MACF1: variants seen among roughly 807,000 people sequenced by gnomAD.
MACF1 encodes the protein microtubule actin crosslinking factor 1.
Under a neutral mutation model 854.8 loss-of-function variants are expected in MACF1, and 193 were observed. That is an observed-to-expected ratio of 0.23 (90% CI 0.20 to 0.25). The LOEUF is 0.25. Ranked by LOEUF, MACF1 falls within the 10% of genes least tolerant of loss-of-function variation. The probability of loss-of-function intolerance (pLI) is 1.00; values close to 1 mark genes in which losing one functional copy is unlikely to be tolerated. For missense variants in MACF1, 7,722 were observed against 8,929.1 expected (o/e 0.86, Z 5.45); for synonymous variants, 3,185 against 3,226.7 (o/e 0.99, Z 0.44).
Position 39,282,959 on chromosome 1 carries a change from T to C in MACF1, c.696-230T>C, listed in dbSNP as rs544578735. ...TTTCAGTTCTAACCGACGATATTTT[T>C]CCCATGACATTCAACAAACCTAAAC... On this transcript the variant is annotated intron_variant, in intron 7 of 100. Transcript: ENST00000564288. Among the ~76,000 whole-genome samples the C allele has an allele frequency of 5.7e-4, 87 of 152,278 alleles. 1 individual carries two copies. The highest frequency in any genetic ancestry group is 2.1e-3 in the African/African-American group (86 of 41,562).
intron 6 of MACF1, among the ~76,000 whole-genome samples, chr1:39,273,779 A>G (rs957792010): frequency 3.3e-5 from 5 of 152,138 alleles, no homozygotes; most frequent in African/African-American, 1.2e-4. Flanking sequence ...TTTAATAGAG[A>G]CAGGGTTTCA....
chr1:39,147,168 C>CCCTCCTTTCTTCTTTCT (rs1643485155), intron 2 of MACF1, among the ~76,000 whole-genome samples: 1 of 148,960 alleles, frequency 6.7e-6, no homozygotes, highest in Non-Finnish European at 1.5e-5. Flanking sequence ...TTCCCCTTTC[C>CCCTCCTTTCTTCTTTCT]CCTCCTTTCT....
intron 51 of MACF1, 117 bp downstream of exon 51, chr1:39,370,303 C>T: frequency 1.1e-6 from 1 of 940,812 alleles, no homozygotes; most frequent in East Asian, 2.8e-5. Context: ...CAGTCTGCAT[C>T]AGAACAGAAA....
intron 23 of MACF1, among the ~76,000 whole-genome samples, chr1:39,305,153 T>C (rs929443766): frequency 6.6e-6 from 1 of 150,396 alleles, no homozygotes; most frequent in African/African-American, 2.4e-5. Flanking sequence ...CCCAGCTACT[T>C]AGGAGGCTGA....
At position 39,452,868 on chromosome 1, in the gene MACF1, C is replaced by T; in HGVS notation, c.20742+56C>T. The T allele has an allele frequency of 3.8e-6, 6 of 1,579,166 alleles. No homozygotes were observed. The Middle Eastern group carries it at 5.1e-4, about 134-fold the overall frequency. Reference sequence around the variant, plus strand: ...TGCTACCTACCACCTTGAGGGCTGCCTACCACTAAATGAAAGCAACTTTTT... The same window carrying T: ...TGCTACCTACCACCTTGAGGGCTGCTTACCACTAAATGAAAGCAACTTTTT... On this transcript the variant is annotated intron_variant, in intron 87 of 100. Transcript: ENST00000564288.
chr1:39,213,621 G>A (rs1644542193), intron 1 of MACF1, among the ~76,000 whole-genome samples: 1 of 152,208 alleles, frequency 6.6e-6, no homozygotes, highest in African/African-American at 2.4e-5. Flanking sequence ...ACAGGCGTGA[G>A]CCACTGCACT....
chr1:39,307,036 G>A (rs1646195789), intron 23 of MACF1, among the ~76,000 whole-genome samples: 1 of 151,452 alleles, frequency 6.6e-6, no homozygotes, highest in African/African-American at 2.4e-5. Flanking sequence ...CCCCATTTCC[G>A]GCTAATTTTT....
At chr1:39,365,301 C>T (rs1490925972) in intron 49 of MACF1, among the ~76,000 whole-genome samples, 1 of 152,258 alleles carries the variant, frequency 6.6e-6, no homozygotes, top group East Asian at 1.9e-4. Flanking sequence ...TGGTCTCGAT[C>T]TGCTGACCTC....
At chr1:39,228,636 A>G (rs1644744241) in intron 1 of MACF1, among the ~76,000 whole-genome samples, 1 of 152,176 alleles carries the variant, frequency 6.6e-6, no homozygotes, top group Non-Finnish European at 1.5e-5. Context: ...GATGGATTAA[A>G]CTTTTAAGTC....
At chr1:39,119,363 A>G (rs1642635300) in intron 2 of MACF1, among the ~76,000 whole-genome samples, 1 of 150,408 alleles carries the variant, frequency 6.6e-6, no homozygotes, top group African/African-American at 2.4e-5. Context: ...AACAAGTGTT[A>G]TAATTGTAAT....
intron 58 of MACF1, among the ~76,000 whole-genome samples, chr1:39,393,585 G>T (rs1017080247): frequency 3.3e-5 from 5 of 152,052 alleles, no homozygotes; most frequent in Non-Finnish European, 7.4e-5. Flanking sequence ...GATGTGGGCA[G>T]ATCACTTGAG....
At chr1:39,193,986 G>A (rs1644286790) in intron 2 of MACF1, among the ~76,000 whole-genome samples, 1 of 152,020 alleles carries the variant, frequency 6.6e-6, no homozygotes. Flanking sequence ...TGGGATTACA[G>A]GCACTCCTGG....
Position 39,251,930 on chromosome 1 carries a change from G to T in MACF1, c.346G>T (p.Asp116Tyr). The T allele has an allele frequency of 6.6e-7, 1 of 1,513,598 alleles. No homozygotes were observed. Among genetic ancestry groups the T allele is most frequent in the Non-Finnish European group, 8.8e-7 (1 of 1,135,922 alleles). 93.8% of individuals were successfully genotyped at this position (1,513,598 alleles called of 1,614,324 possible). Residue 116 changes from aspartate (D) to tyrosine (Y), a missense_variant, in exon 4 of 101, where the codon GAT (aspartate) becomes TAT (tyrosine). Physicochemically the swap from Asp to Tyr is radical, Grantham distance 160. Coordinates refer to ENST00000564288, the MANE Select transcript of MACF1 (RefSeq NM_001394062.1). ...CAACGAGGAGCAGGCGGAGGAAGAT[G>T]ATGATGATGTAGTAGGTCCTCCTGG... ...TNNEEQAEED[D>Y]DDVPREKGRM... is the part of the protein sequence containing the mutation.
chr1:39,464,909 CAAAAAA>C (rs5773660), intron 94 of MACF1, 180 bp from the exon 95 acceptor site: 2 of 454,046 alleles, frequency 4.4e-6, no homozygotes, highest in Non-Finnish European at 7.8e-6. Flanking sequence ...GCGAGACTCT[CAAAAAA>C]AAAAAAAAAA....
Position 39,340,574 on chromosome 1 carries a change from A to G in MACF1, c.10288A>G (p.Ile3430Val), listed in dbSNP as rs1646914730. 1 of 1,614,176 alleles carries G rather than the reference A, an allele frequency of 6.2e-7. No individual in the cohort carries two copies. ...GCTGGAGTGTGTGAATCAGATTATCATCAGCCAGCCTCAAGAAGTTCCTGC... is the reference window on the plus strand; with the variant it reads ...GCTGGAGTGTGTGAATCAGATTATCGTCAGCCAGCCTCAAGAAGTTCCTGC... Reference protein sequence around the residue: ...QELECVNQIIISQPQEVPAQL... With the variant: ...QELECVNQIIVSQPQEVPAQL... Residue 3430 changes from isoleucine to valine, a missense_variant, in exon 39 of 101, where the codon ATC becomes GTC. Coordinates refer to ENST00000564288, the MANE Select transcript of MACF1 (RefSeq NM_001394062.1).
intron 2 of MACF1, among the ~76,000 whole-genome samples, chr1:39,156,708 T>G (rs1191999199): frequency 1.3e-5 from 2 of 152,228 alleles, no homozygotes; most frequent in Admixed American, 1.3e-4. Context: ...TGGGATTGAC[T>G]CTACAAGAAT....
intron 58 of MACF1, among the ~76,000 whole-genome samples, chr1:39,398,767 A>G (rs1273797637): frequency 3.3e-5 from 5 of 152,206 alleles, no homozygotes; most frequent in Non-Finnish European, 7.3e-5. Flanking sequence ...CAGCGACTGA[A>G]GAATTTTCTC....
At chr1:39,377,959 A>T (rs1160311087) in intron 52 of MACF1, among the ~76,000 whole-genome samples, 1 of 152,008 alleles carries the variant, frequency 6.6e-6, no homozygotes, top group Non-Finnish European at 1.5e-5. Context: ...AGCCGAGATC[A>T]TGCCACCGCA....
chr1:39,452,393 T>C, intron 86 of MACF1, 43 bp downstream of exon 86: 1 of 1,547,396 alleles, frequency 6.5e-7, no homozygotes, highest in Non-Finnish European at 8.7e-7. Context: ...TAGATCTGAG[T>C]GGGTTTATTT....
Sources: gnomAD v4.1 joint callset for allele counts (sites outside exome capture counted in the v4.1 genomes callset) on GRCh38, gnomAD v4.1.1 for gene constraint, MANE v1.5 for transcripts, NCBI Gene and HGNC (gene_info 2026-07-23, HGNC 2026-07-21) for gene names.